Variants in FKTN observed in about 807,000 individuals in gnomAD.
The protein encoded by FKTN is ribitol-5-phosphate transferase FKTN.
Under a neutral mutation model 58.6 loss-of-function variants are expected in FKTN, and 47 were observed. That is an observed-to-expected ratio of 0.80 (90% CI 0.63 to 1.02). FKTN has a LOEUF of 1.02. Ranked by LOEUF, FKTN falls within the 50% of genes least tolerant of loss-of-function variation. The pLI, the probability that FKTN is intolerant of heterozygous loss-of-function variation, is 0.00. For synonymous variants in FKTN, 178 were observed against 191.9 expected (o/e 0.93, Z 0.60); for missense variants, 516 against 537.3 (o/e 0.96, Z 0.39).
At chr9:105,603,292 C>G (rs1221304281) in intron 5 of FKTN, among the ~76,000 whole-genome samples, 1 of 152,134 alleles carries the variant, frequency 6.6e-6, no homozygotes, top group Non-Finnish European at 1.5e-5. Flanking sequence ...CTACCCTCCC[C>G]CTCAGTCAGT....
chr9:105,635,706 T>C lies in FKTN; in HGVS notation c.*442T>C. 9.6e-7 allele frequency: 1 copy of C among 1,041,794 alleles called. No individual in the cohort carries two copies. The allele number at this position is 1,041,794 out of a possible 1,614,324, so 64.5% of individuals were successfully genotyped here. A position where few individuals can be genotyped will look rare whatever the true frequency, so the allele number is the denominator to read the frequency against. On this transcript the variant is annotated 3_prime_UTR_variant, in exon 11 of 11. Coordinates refer to ENST00000357998, the MANE Select transcript of FKTN (RefSeq NM_001079802.2). ...CCTCTTCTGGGCATTTAAGCTGGTA[T>C]GTTAGTGCTACTTTTAAGATTGTGG...
Position 105,619,929 on chromosome 9 carries a change from C to A in FKTN, c.1045-5C>A. 1 of 1,610,700 alleles carries A rather than the reference C, an allele frequency of 6.2e-7. No homozygotes were observed. The highest frequency in any genetic ancestry group is 1.1e-5 in the South Asian group (1 of 90,932). The stretch of plus-strand genomic sequence containing the variant: ...AGTGTGTGAAGGTTTTCATCTTCCC[C>A]ATAGGTAGAAGACAGCTTGGAACTA... On this transcript the variant is annotated splice_region_variant and splice_polypyrimidine_tract_variant and intron_variant, in intron 9 of 10. Transcript: ENST00000357998.
intron 3 of FKTN, 38 bp downstream of exon 3, chr9:105,575,175 T>A: frequency 9.1e-7 from 1 of 1,099,736 alleles, no homozygotes; most frequent in Non-Finnish European, 1.4e-6. Flanking sequence ...TCCTCCTTTC[T>A]TATCATTGTA....
At chr9:105,633,960 A>C (rs1005897635) in intron 10 of FKTN, among the ~76,000 whole-genome samples, 6 of 152,314 alleles carry the variant, frequency 3.9e-5, no homozygotes, top group African/African-American at 1.4e-4. Context: ...TCATTACTGA[A>C]AGTTCTTCCC....
chr9:105,621,621 A>T (rs1310295589), intron 10 of FKTN, among the ~76,000 whole-genome samples: 1 of 152,074 alleles, frequency 6.6e-6, no homozygotes, highest in African/African-American at 2.4e-5. Flanking sequence ...AGACAAACAT[A>T]TGCTCGTATA....
In FKTN at chr9:105,638,833, C is replaced by A; in HGVS notation, c.*3569C>A. ...ACTCATTCCTTTTTGAGTTTGTGAC[C>A]TCAAACCATTGTTTTTATTCTTACA... is the stretch of plus-strand genomic sequence containing the variant. On this transcript the variant is annotated 3_prime_UTR_variant, in exon 11 of 11. Transcript: ENST00000357998. 5.1e-6 allele frequency: 5 copies of A among 984,570 alleles called. No individual in the cohort carries two copies. The highest frequency in any genetic ancestry group is 1.7e-5 in the African/African-American group (1 of 57,260). 61.0% of individuals were successfully genotyped at this position (984,570 alleles called of 1,614,324 possible). A position where few individuals can be genotyped will look rare whatever the true frequency, so the allele number is the denominator to read the frequency against.
intron 2 of FKTN, 148 bp from the exon 3 acceptor site, chr9:105,574,797 C>T (rs1417302474): frequency 4.7e-6 from 2 of 423,832 alleles, no homozygotes; most frequent in Admixed American, 7.8e-5. Context: ...TCATTGGTCT[C>T]ATATTTGATT....
chr9:105,569,960 AG>A (rs1433528179), intron 1 of FKTN, among the ~76,000 whole-genome samples: 1 of 152,066 alleles, frequency 6.6e-6, no homozygotes, highest in Non-Finnish European at 1.5e-5. Context: ...TATCCTCCCT[AG>A]TGTTTTTATT....
Position 105,607,815 on chromosome 9 carries a change from TCAGGCCAGAGTTA to T in FKTN, c.648_660del (p.Arg216SerfsTer20). ...CATTAATAAATCTTAACTTTTGTTT[TCAGGCCAGAGTTA>T]CAGCAAGTTACTGTTGATGGACTGG... On this transcript the variant is annotated splice_acceptor_variant and splice_polypyrimidine_tract_variant and coding_sequence_variant and intron_variant, in exon 7 of 11. Transcript: ENST00000357998. LOFTEE classifies it high-confidence loss of function. 1 of 1,612,738 alleles carries T rather than the reference TCAGGCCAGAGTTA, an allele frequency of 6.2e-7. No individual in the cohort carries two copies. The highest frequency in any genetic ancestry group is 8.5e-7 in the Non-Finnish European group (1 of 1,178,940).
chr9:105,567,047 C>G (rs1839780633), intron 1 of FKTN, among the ~76,000 whole-genome samples: 1 of 152,136 alleles, frequency 6.6e-6, no homozygotes, highest in South Asian at 2.1e-4. Flanking sequence ...ACAAAAGCCA[C>G]ATAAGATTAT....
In FKTN at chr9:105,638,579, C is replaced by A; in HGVS notation, c.*3315C>A. ...GAAGTCTCTCCCCTTCCTGAAGTGA[C>A]CTTTTATGAGGCTCTTTCCTTCCTA... On this transcript the variant is annotated 3_prime_UTR_variant, in exon 11 of 11. Transcript: ENST00000357998. 5.1e-6 allele frequency: 5 copies of A among 985,316 alleles called. No homozygotes were observed. The highest frequency in any genetic ancestry group is 6.0e-6 in the Non-Finnish European group (5 of 829,922). 61.0% of individuals were successfully genotyped at this position (985,316 alleles called of 1,614,324 possible).
At chr9:105,619,757 T>C (rs1831516608) in intron 9 of FKTN, 177 bp from the exon 10 acceptor site, 1 of 535,874 alleles carries the variant, frequency 1.9e-6, no homozygotes, top group South Asian at 2.2e-5. Context: ...AATGATATGT[T>C]ACTGATGCAT....
Position 105,607,818 on chromosome 9 carries a change from G to C in FKTN, c.648-1G>C, listed in dbSNP as rs780894941. 6.2e-7 allele frequency: 1 copy of C among 1,610,488 alleles called. No homozygotes were observed. The highest frequency in any genetic ancestry group is 8.5e-7 in the Non-Finnish European group (1 of 1,177,454). ...TAATAAATCTTAACTTTTGTTTTCA[G>C]GCCAGAGTTACAGCAAGTTACTGTT... On this transcript the variant is annotated splice_acceptor_variant, in intron 6 of 10. Transcript: ENST00000357998. LOFTEE classifies it high-confidence loss of function.
At chr9:105,630,471 C>A (rs1833279738) in intron 10 of FKTN, among the ~76,000 whole-genome samples, 1 of 152,072 alleles carries the variant, frequency 6.6e-6, no homozygotes, top group African/African-American at 2.4e-5. Context: ...ATACTAAAAC[C>A]TAGAAAGTTT....
intron 1 of FKTN, among the ~76,000 whole-genome samples, chr9:105,562,710 C>A (rs1838523149): frequency 1.3e-5 from 2 of 152,164 alleles, no homozygotes; most frequent in Admixed American, 1.3e-4. Context: ...GTTAGCTTGG[C>A]CTGCACCCAG....
At chr9:105,602,626 G>T (rs2132740282) in intron 5 of FKTN, among the ~76,000 whole-genome samples, 1 of 152,352 alleles carries the variant, frequency 6.6e-6, no homozygotes, top group Admixed American at 6.5e-5. Context: ...TGCAATCTCT[G>T]TTCACTGCAA....
rs1380105131 is a variant in FKTN at position 105,597,088 on chromosome 9, A to G, written c.165+431A>G. ...TTTATAAGATGAGGGGAAACCAGCA[A>G]TATATACAATATATCCTTGTTTTGT... is the stretch of plus-strand genomic sequence containing the variant. On this transcript the variant is annotated intron_variant, in intron 4 of 10. Coordinates refer to ENST00000357998, the MANE Select transcript of FKTN (RefSeq NM_001079802.2). Among the ~76,000 whole-genome samples, 6 of 152,218 alleles carry G rather than the reference A, an allele frequency of 3.9e-5. No individual in the cohort carries two copies. The East Asian group carries it at 1.2e-3, about 29-fold the overall frequency.
chr9:105,639,327 T>TA lies in FKTN; in HGVS notation c.*4068dup. The TA allele has an allele frequency of 2.1e-6, 2 of 972,896 alleles. No individual in the cohort carries two copies. Among genetic ancestry groups the TA allele is most frequent in the African/African-American group, 3.5e-5 (2 of 57,074 alleles). The allele number at this position is 972,896 out of a possible 1,614,324, so 60.3% of individuals were successfully genotyped here. A position where few individuals can be genotyped will look rare whatever the true frequency, so the allele number is the denominator to read the frequency against. ...ACTCAGGGAAGGCAATGTGTTGCCA[T>TA]AAAAAGACCACAAGCTTTTGAGTTA... On this transcript the variant is annotated 3_prime_UTR_variant, in exon 11 of 11. Coordinates refer to ENST00000357998, the MANE Select transcript of FKTN (RefSeq NM_001079802.2).
intron 3 of FKTN, among the ~76,000 whole-genome samples, chr9:105,582,388 G>A (rs1347093651): frequency 6.6e-6 from 1 of 152,140 alleles, no homozygotes; most frequent in Admixed American, 6.5e-5. Flanking sequence ...TAGAGACGGG[G>A]TCTCGCTGTG....
Sources: allele counts gnomAD v4.1 joint callset (sites outside exome capture counted in the v4.1 genomes callset), GRCh38; gene constraint gnomAD v4.1.1; transcripts MANE v1.5; gene names NCBI Gene and HGNC (gene_info 2026-07-23, HGNC 2026-07-21).